Variants in NFKBIZ observed in about 807,000 individuals in gnomAD.
NFKBIZ encodes the protein NF-kappa-B inhibitor zeta.
A neutral mutation model predicts 76.8 loss-of-function variants in NFKBIZ; 19 were observed. That is an observed-to-expected ratio of 0.25 (90% CI 0.17 to 0.36). NFKBIZ has a LOEUF of 0.36. Among genes scored for constraint, NFKBIZ ranks in the 10% least tolerant of loss-of-function variants. NFKBIZ has a pLI of 1.00. For synonymous variants in NFKBIZ, 368 were observed against 354.8 expected (o/e 1.04, Z -0.42); for missense variants, 829 against 910.9 (o/e 0.91, Z 1.16).
At chr3:101,829,879 T>TG (rs368763761) in intron 2 of NFKBIZ, among the ~76,000 whole-genome samples, 54,075 of 150,216 alleles carry the variant, frequency 0.36, 9,798 homozygotes, top group Non-Finnish European at 0.4. Flanking sequence ...CTAAGATTTT[T>TG]TGTGTGTGTG....
At chr3:101,853,067 A>C in intron 4 of NFKBIZ, 24 bp from the exon 5 acceptor site, 1 of 1,612,022 alleles carries the variant, frequency 6.2e-7, no homozygotes, top group Non-Finnish European at 8.5e-7. Flanking sequence ...GTGAGTGTGC[A>C]AGTTGCATTT....
At chr3:101,830,149 A>T (rs953421104) in intron 2 of NFKBIZ, among the ~76,000 whole-genome samples, 1 of 152,142 alleles carries the variant, frequency 6.6e-6, no homozygotes, top group Non-Finnish European at 1.5e-5. Flanking sequence ...ATTGTCTGTG[A>T]AGTAAAATAC....
At chr3:101,837,363 C>T (rs762355834) in intron 2 of NFKBIZ, among the ~76,000 whole-genome samples, 1 of 151,830 alleles carries the variant, frequency 6.6e-6, no homozygotes, top group Non-Finnish European at 1.5e-5. Flanking sequence ...ATGGGGAATT[C>T]CTCCTTAAAG....
intron 2 of NFKBIZ, among the ~76,000 whole-genome samples, chr3:101,838,959 A>C (rs891146930): frequency 9.2e-5 from 14 of 152,180 alleles, no homozygotes; most frequent in African/African-American, 3.4e-4. Flanking sequence ...TATAAAGTAC[A>C]TAGTATTCCG....
In NFKBIZ at chr3:101,849,805, G is replaced by C; in HGVS notation, c.177G>C (p.Ala59=). 6.8e-7 allele frequency: 1 copy of C among 1,469,306 alleles called. No individual in the cohort carries two copies. Among genetic ancestry groups the C allele is most frequent in the South Asian group, 1.3e-5 (1 of 77,260 alleles). The allele number at this position is 1,469,306 out of a possible 1,614,324, so 91.0% of individuals were successfully genotyped here. ...GCTGCTCGGTCTTGGGCCCCTCGGC[G>C]CCCGGCTCGCCCGGCTCCGACTCCT... The part of the protein sequence containing the change: ...DASCSVLGPS[A]PGSPGSDSSD... Residue 59 remains alanine, a synonymous_variant, in exon 1 of 12, where the codon GCG becomes GCC. Transcript: ENST00000326172.
intron 6 of NFKBIZ, 27 bp from the exon 7 acceptor site, chr3:101,855,035 T>C (rs1367311962): frequency 6.4e-7 from 1 of 1,566,252 alleles, no homozygotes; most frequent in Non-Finnish European, 8.6e-7. Flanking sequence ...ATGTTTAAAA[T>C]ATCTTTTTTC....
intron 1 of NFKBIZ, chr3:101,850,171 G>C: frequency 2.6e-6 from 1 of 390,042 alleles, no homozygotes; most frequent in Admixed American, 4.6e-5. Flanking sequence ...GCCGAGCTCT[G>C]ACTGCCGGGC....
At chr3:101,848,671 AGTTT>A (rs1942889180), upstream of NFKBIZ, among the ~76,000 whole-genome samples, 2 of 152,248 alleles carry the variant, frequency 1.3e-5, no homozygotes, top group Non-Finnish European at 2.9e-5. Context: ...TTACTGTGTT[AGTTT>A]ATCAGATAGT....
Position 101,853,075 on chromosome 3 carries a change from T to C in NFKBIZ, c.565-16T>C, listed in dbSNP as rs775135918. Reference sequence around the variant, plus strand: ...GAAGGAAGTGAGTGTGCAAGTTGCATTTTCCTTCTTTCCAGACACCACCTC... The same window carrying C: ...GAAGGAAGTGAGTGTGCAAGTTGCACTTTCCTTCTTTCCAGACACCACCTC... On this transcript the variant is annotated splice_polypyrimidine_tract_variant and intron_variant, in intron 4 of 11. Transcript: ENST00000326172. 6.2e-7 allele frequency: 1 copy of C among 1,611,880 alleles called. No individual in the cohort carries two copies. Among genetic ancestry groups the C allele is most frequent in the East Asian group, 2.2e-5 (1 of 44,862 alleles).
At chr3:101,842,302 AC>A (rs1156726205) in intron 2 of NFKBIZ, among the ~76,000 whole-genome samples, 1 of 152,154 alleles carries the variant, frequency 6.6e-6, no homozygotes, top group Non-Finnish European at 1.5e-5. Context: ...GGGAAACTAT[AC>A]TCAGTTTCGT....
intron 11 of NFKBIZ, chr3:101,858,288 T>C: frequency 2.1e-6 from 2 of 966,734 alleles, no homozygotes; most frequent in Non-Finnish European, 2.5e-6. Context: ...GAGCTCTTTG[T>C]AATTTAGAAA....
chr3:101,833,112 A>G (rs1942668844), intron 2 of NFKBIZ, among the ~76,000 whole-genome samples: 1 of 152,056 alleles, frequency 6.6e-6, no homozygotes. Context: ...GTTGAGAATA[A>G]CTCCTATGAG....
intron 2 of NFKBIZ, among the ~76,000 whole-genome samples, chr3:101,829,869 C>T (rs921962102): frequency 7.2e-6 from 1 of 139,648 alleles, no homozygotes; most frequent in Non-Finnish European, 1.6e-5. Flanking sequence ...TTCATGAGAA[C>T]TAAGATTTTT....
chr3:101,856,422 A>G (rs1217246938), intron 9 of NFKBIZ, among the ~76,000 whole-genome samples: 1 of 152,246 alleles, frequency 6.6e-6, no homozygotes, highest in Non-Finnish European at 1.5e-5. Context: ...TTATTATCCA[A>G]AAGGTCATTT....
chr3:101,854,254 C>T (rs905887458), intron 5 of NFKBIZ, among the ~76,000 whole-genome samples: 4 of 152,124 alleles, frequency 2.6e-5, no homozygotes, highest in Non-Finnish European at 4.4e-5. Flanking sequence ...GTTATTTAAC[C>T]TCCTTAGGTC....
At position 101,852,682 on chromosome 3, in the gene NFKBIZ, T is replaced by G. The variant is rs1228525178; in HGVS notation, c.430-56T>G. The G allele has an allele frequency of 1.3e-5, 16 of 1,197,304 alleles. 2 individuals are homozygous for G. The South Asian group carries it at 2.1e-4, about 16-fold the overall frequency. 74.2% of individuals were successfully genotyped at this position (1,197,304 alleles called of 1,614,324 possible). On this transcript the variant is annotated intron_variant, in intron 2 of 11. Transcript: ENST00000326172. ...GTAGAGATAAGCCTACTTACTGATG[T>G]ATATTAAGAGGAAGTCATTTTGTAT...
intron 2 of NFKBIZ, among the ~76,000 whole-genome samples, chr3:101,832,088 TTTTG>T (rs1293108705): frequency 6.6e-6 from 1 of 151,996 alleles, no homozygotes; most frequent in Non-Finnish European, 1.5e-5. Flanking sequence ...CTTTGTTCTT[TTTTG>T]TTTCTTTCTT....
intron 2 of NFKBIZ, among the ~76,000 whole-genome samples, chr3:101,842,918 A>C (rs1054502084): frequency 3.3e-5 from 5 of 150,864 alleles, no homozygotes; most frequent in African/African-American, 1.2e-4. Flanking sequence ...TATGAGTCCA[A>C]TCTGGAACTT....
intron 11 of NFKBIZ, chr3:101,858,358 T>G (rs1171793081): frequency 1.0e-6 from 1 of 976,638 alleles, no homozygotes; most frequent in African/African-American, 1.8e-5. Flanking sequence ...TAGAAGAACT[T>G]TACAAGTTTC....
Sources: gnomAD v4.1 joint callset for allele counts (sites outside exome capture counted in the v4.1 genomes callset) on GRCh38, gnomAD v4.1.1 for gene constraint, MANE v1.5 for transcripts, NCBI Gene and HGNC (gene_info 2026-07-23, HGNC 2026-07-21) for gene names.